Variants in STK4 observed in about 807,000 individuals in gnomAD.
STK4 encodes serine/threonine kinase 4, also known as serine/threonine-protein kinase 4.
Under a neutral mutation model 64.9 loss-of-function variants are expected in STK4, and 30 were observed. The ratio of observed to expected loss-of-function variants is 0.46; its 90% CI spans 0.35 to 0.63. The LOEUF (loss-of-function observed/expected upper bound fraction) is 0.63. Ranked by LOEUF, STK4 falls within the 20% of genes least tolerant of loss-of-function variation. The pLI is 0.01. For missense variants in STK4, 466 were observed against 598.5 expected (o/e 0.78, Z 2.31); for synonymous variants, 177 against 199.0 (o/e 0.89, Z 0.93).
chr20:44,967,182 C>CTG (rs776908668), intron 1 of STK4: 6 of 985,372 alleles, frequency 6.1e-6, no homozygotes, highest in Non-Finnish European at 7.2e-6. Flanking sequence ...GGTGTCCCCA[C>CTG]TGTAGGATGG....
At chr20:45,004,669 C>G (rs777913964) in intron 9 of STK4, among the ~76,000 whole-genome samples, 4 of 150,562 alleles carry the variant, frequency 2.7e-5, no homozygotes, top group Non-Finnish European at 5.9e-5. Flanking sequence ...TGCAGAGACT[C>G]TTTAGTTTAA....
chr20:45,044,280 G>A (rs1568749606), intron 10 of STK4, among the ~76,000 whole-genome samples: 1 of 152,118 alleles, frequency 6.6e-6, no homozygotes, highest in South Asian at 2.1e-4. Flanking sequence ...ACAATCTCCT[G>A]TGTGGCATTT....
chr20:44,972,149 T>A lies in STK4; in HGVS notation c.107T>A (p.Leu36His). ...PEEVFDVLEK[L>H]GEGSYGSVYK... ...GAAGTATTTGATGTCTTAGAGAAAC[T>A]TGGAGAAGGGTGAGTGTAAAGAAAC... is the stretch of plus-strand genomic sequence containing the variant. The change falls in exon 2 of 11, where the codon CTT (leucine) becomes CAT (histidine). Residue 36 changes from leucine (L) to histidine (H), a missense_variant. Leu to His is a moderately conservative substitution (Grantham distance 99). Coordinates refer to ENST00000372806, the MANE Select transcript of STK4 (RefSeq NM_006282.5). 6.2e-7 allele frequency: 1 copy of A among 1,613,750 alleles called. No homozygotes were observed. The highest frequency in any genetic ancestry group is 8.5e-7 in the Non-Finnish European group (1 of 1,179,842).
intron 10 of STK4, among the ~76,000 whole-genome samples, chr20:45,067,643 G>A (rs1053970611): frequency 2.6e-5 from 4 of 152,194 alleles, no homozygotes; most frequent in Non-Finnish European, 5.9e-5. Context: ...TGGGCTAATT[G>A]TCAGTGTAAT....
intron 1 of STK4, among the ~76,000 whole-genome samples, chr20:44,971,135 G>A (rs1383553530): frequency 6.8e-6 from 1 of 146,148 alleles, no homozygotes; most frequent in Non-Finnish European, 1.5e-5. Flanking sequence ...ATATTCCTTG[G>A]CAAGTTCCTT....
intron 10 of STK4, among the ~76,000 whole-genome samples, chr20:45,046,003 C>A (rs1284977128): frequency 2.0e-5 from 3 of 151,958 alleles, no homozygotes; most frequent in Admixed American, 2.0e-4. Context: ...GATGGGGTTT[C>A]ACCATGTTGG....
intron 4 of STK4, among the ~76,000 whole-genome samples, chr20:44,982,601 T>A (rs2067461602): frequency 2.6e-5 from 4 of 152,334 alleles, no homozygotes; most frequent in Admixed American, 2.6e-4. Context: ...GTTCACAAAT[T>A]AAATTCCTGT....
intron 10 of STK4, among the ~76,000 whole-genome samples, chr20:45,059,090 C>T (rs1488846768): frequency 6.6e-6 from 1 of 152,184 alleles, no homozygotes; most frequent in Non-Finnish European, 1.5e-5. Context: ...ACCCCATTGC[C>T]ATCAGTCAGA....
At chr20:45,002,829 T>G (rs2067864821) in intron 9 of STK4, among the ~76,000 whole-genome samples, 1 of 151,978 alleles carries the variant, frequency 6.6e-6, no homozygotes, top group South Asian at 2.1e-4. Flanking sequence ...GTAAAAAAGA[T>G]TCTTAAGGTA....
chr20:44,980,825 G>A (rs1453905664), intron 3 of STK4, among the ~76,000 whole-genome samples: 2 of 151,888 alleles, frequency 1.3e-5, no homozygotes, highest in African/African-American at 2.4e-5. Flanking sequence ...CTGCCACCAC[G>A]CCAGGCTAAT....
chr20:45,031,352 T>C (rs1315225589), intron 10 of STK4, among the ~76,000 whole-genome samples: 2 of 152,048 alleles, frequency 1.3e-5, no homozygotes, highest in African/African-American at 2.4e-5. Context: ...AAGGAGTCCA[T>C]TGTGGCTGGA....
intron 9 of STK4, among the ~76,000 whole-genome samples, chr20:45,009,731 C>G (rs1296944660): frequency 6.6e-6 from 1 of 152,018 alleles, no homozygotes; most frequent in Non-Finnish European, 1.5e-5. Flanking sequence ...TGTAGTTCTC[C>G]TAGAGATCCT....
intron 2 of STK4, among the ~76,000 whole-genome samples, chr20:44,976,438 A>G (rs1403938278): frequency 6.6e-6 from 1 of 152,184 alleles, no homozygotes. Context: ...TGCCAGATCA[A>G]CTCCTAGTTA....
chr20:44,969,754 T>C (rs1364385612), intron 1 of STK4, among the ~76,000 whole-genome samples: 1 of 152,170 alleles, frequency 6.6e-6, no homozygotes, highest in Admixed American at 6.6e-5. Context: ...CCTGGGGAAG[T>C]CCCAGATAAG....
intron 4 of STK4, among the ~76,000 whole-genome samples, chr20:44,984,088 G>A (rs1343463919): frequency 7.1e-6 from 1 of 140,950 alleles, no homozygotes; most frequent in Non-Finnish European, 1.6e-5. Context: ...TAATTTTGAT[G>A]GCACTTTTGG....
At chr20:45,009,136 C>G (rs924890761) in intron 9 of STK4, among the ~76,000 whole-genome samples, 1 of 152,110 alleles carries the variant, frequency 6.6e-6, no homozygotes, top group Non-Finnish European at 1.5e-5. Flanking sequence ...AGGGTATCGC[C>G]TAGGTTTTCT....
intron 1 of STK4, among the ~76,000 whole-genome samples, chr20:44,967,458 A>G (rs2067170741): frequency 6.6e-6 from 1 of 152,204 alleles, no homozygotes; most frequent in Non-Finnish European, 1.5e-5. Context: ...GTTCAAGATC[A>G]GGATGGTGGC....
intron 10 of STK4, among the ~76,000 whole-genome samples, chr20:45,037,997 T>A (rs1161301370): frequency 6.6e-6 from 1 of 152,186 alleles, no homozygotes; most frequent in Non-Finnish European, 1.5e-5. Context: ...GGAACTCAGT[T>A]ATCTACAATT....
At chr20:45,040,151 A>G (rs1455150620) in intron 10 of STK4, among the ~76,000 whole-genome samples, 1 of 142,770 alleles carries the variant, frequency 7.0e-6, no homozygotes, top group East Asian at 2.1e-4. Context: ...TTCCGTTGTT[A>G]GAAACCAGTG....
Sources: allele counts gnomAD v4.1 joint callset (sites outside exome capture counted in the v4.1 genomes callset), GRCh38; gene constraint gnomAD v4.1.1; transcripts MANE v1.5; gene names NCBI Gene and HGNC (gene_info 2026-07-23, HGNC 2026-07-21).